Variants in ABHD3 observed in about 807,000 individuals in gnomAD.
The protein encoded by ABHD3 is phospholipase ABHD3.
Under a neutral mutation model 48.8 loss-of-function variants are expected in ABHD3, and 46 were observed. The observed-to-expected ratio is 0.94, with a 90% confidence interval of 0.74 to 1.20. ABHD3 has a LOEUF of 1.20. Ranked by LOEUF, ABHD3 falls within the 50% of genes most tolerant of loss-of-function variation. The pLI, the probability that ABHD3 is intolerant of heterozygous loss-of-function variation, is 0.00. For synonymous variants in ABHD3, 192 were observed against 183.7 expected (o/e 1.04, Z -0.36); for missense variants, 490 against 497.8 (o/e 0.98, Z 0.15).
chr18:21,699,702 T>TA (rs1201420364), intron 3 of ABHD3, among the ~76,000 whole-genome samples: 6 of 152,154 alleles, frequency 3.9e-5, no homozygotes, highest in East Asian at 1.9e-4. Flanking sequence ...GTCTGTGAGA[T>TA]AGAGTTTCGC....
intron 4 of ABHD3, chr18:21,682,239 G>T (rs1376935958): frequency 6.6e-6 from 1 of 152,154 alleles, no homozygotes; most frequent in Non-Finnish European, 1.5e-5. Flanking sequence ...TACATTCTAC[G>T]GATTACATAA....
intron 4 of ABHD3, among the ~76,000 whole-genome samples, chr18:21,683,335 C>A (rs1305840393): frequency 6.6e-6 from 1 of 152,082 alleles, no homozygotes. Flanking sequence ...GAAAAAAAGA[C>A]CTGATATAAA....
chr18:21,689,150 A>G (rs1047586300), intron 3 of ABHD3, among the ~76,000 whole-genome samples: 45 of 152,324 alleles, frequency 3.0e-4, no homozygotes, highest in African/African-American at 1.0e-3. Flanking sequence ...AGGAAAATGA[A>G]AATCATACTG....
At chr18:21,689,574 A>AAAAAAAAAC (rs1555681996) in intron 3 of ABHD3, among the ~76,000 whole-genome samples, 1 of 148,608 alleles carries the variant, frequency 6.7e-6, no homozygotes, top group African/African-American at 2.5e-5. Flanking sequence ...AAAAAAAAAA[A>AAAAAAAAAC]GGGAAATGCT....
At chr18:21,652,152 G>C (rs1412044763) in intron 8 of ABHD3, among the ~76,000 whole-genome samples, 2 of 152,140 alleles carry the variant, frequency 1.3e-5, no homozygotes, top group Non-Finnish European at 2.9e-5. Context: ...ACTAAGCTTA[G>C]CATCTTTGTG....
intron 1 of ABHD3, 60 bp from the exon 2 acceptor site, chr18:21,703,807 C>G (rs2040570517): frequency 1.9e-6 from 3 of 1,570,086 alleles, no homozygotes; most frequent in Non-Finnish European, 2.6e-6. Context: ...AACCGTAAAC[C>G]AGAAACCGGC....
At chr18:21,670,900 A>G (rs1481785516) in intron 4 of ABHD3, among the ~76,000 whole-genome samples, 1 of 152,104 alleles carries the variant, frequency 6.6e-6, no homozygotes. Flanking sequence ...TGTCATCCCA[A>G]CTACTTGGGA....
In ABHD3 at chr18:21,659,283, T is replaced by C; in HGVS notation, c.729A>G (p.Ala243=). The change falls in exon 6 of 9, where the codon GCA becomes GCG. Residue 243 remains alanine (A), a synonymous_variant. Coordinates refer to ENST00000289119, the MANE Select transcript of ABHD3 (RefSeq NM_138340.5). ...IGSKTPLMAA[A]TFSVGWNTFA... is the part of the protein sequence containing the mutation. ...AGGTGTTCCAACCAACGGAAAAAGT[T>C]GCAGCTGCCATCAAAGGCGTTTTGG... 1.9e-6 allele frequency: 3 copies of C among 1,613,872 alleles called. No individual in the cohort carries two copies. Among genetic ancestry groups the C allele is most frequent in the Non-Finnish European group, 2.5e-6 (3 of 1,179,952 alleles).
rs2039211376 is a variant in ABHD3 at position 21,651,049 on chromosome 18, AGTCT to A, written c.*538_*541del. The A allele has an allele frequency of 6.6e-6, 1 of 152,216 alleles. No individual in the cohort carries two copies. The highest frequency in any genetic ancestry group is 1.5e-5 in the Non-Finnish European group (1 of 68,044). 9.4% of individuals were successfully genotyped at this position (152,216 alleles called of 1,614,324 possible). A position where few individuals can be genotyped will look rare whatever the true frequency, so the allele number is the denominator to read the frequency against. On this transcript the variant is annotated 3_prime_UTR_variant, in exon 9 of 9. Transcript: ENST00000289119. ...GAGTAAAAGAGCACATATAGAAGTC[AGTCT>A]AACTTTGTTGCACTTGTCTTTTAAA...
At position 21,690,119 on chromosome 18, in the gene ABHD3, A is replaced by AT. The variant is rs759267343; in HGVS notation, c.510-6155dup. 2.0e-4 allele frequency among the ~76,000 whole-genome samples: 30 copies of AT among 150,958 alleles called. No homozygotes were observed. In the South Asian group the frequency reaches 2.1e-3, roughly 11 times the overall value. ...GGTGGGGTGGGGGAGCTTGTAAAGA[A>AT]TTTAAAAAAAAAAAAGAAAATCTCA... On this transcript the variant is annotated intron_variant, in intron 3 of 8. Transcript: ENST00000289119.
intron 8 of ABHD3, among the ~76,000 whole-genome samples, chr18:21,656,472 C>T (rs186428388): frequency 6.6e-6 from 1 of 152,320 alleles, no homozygotes; most frequent in East Asian, 1.9e-4. Flanking sequence ...CTCAAGTTCT[C>T]TTCCAGATTA....
intron 3 of ABHD3, among the ~76,000 whole-genome samples, chr18:21,694,074 A>G (rs1296535267): frequency 1.3e-5 from 2 of 152,020 alleles, no homozygotes; most frequent in Non-Finnish European, 2.9e-5. Context: ...CTTCCTCTAC[A>G]TAAAATATTC....
intron 6 of ABHD3, among the ~76,000 whole-genome samples, chr18:21,658,856 T>G (rs1225269738): frequency 1.3e-5 from 2 of 151,272 alleles, no homozygotes; most frequent in Non-Finnish European, 2.9e-5. Flanking sequence ...TTTTTTTTTT[T>G]GAGACGGAGT....
intron 3 of ABHD3, among the ~76,000 whole-genome samples, chr18:21,685,330 G>A (rs1243897456): frequency 1.3e-5 from 2 of 152,142 alleles, no homozygotes; most frequent in Non-Finnish European, 2.9e-5. Context: ...TCTTCTCAGG[G>A]AGTTTAGATC....
At chr18:21,663,799 C>G in intron 5 of ABHD3, 1 of 1,533,438 alleles carries the variant, frequency 6.5e-7, no homozygotes. Flanking sequence ...CCAGGGATGG[C>G]TGGGAGTGCG....
At chr18:21,653,165 C>T (rs201521241) in intron 8 of ABHD3, among the ~76,000 whole-genome samples, 4 of 140,730 alleles carry the variant, frequency 2.8e-5, no homozygotes, top group East Asian at 4.5e-4. Context: ...AGTTCAAGAA[C>T]GGCCTGGCCA....
intron 8 of ABHD3, among the ~76,000 whole-genome samples, chr18:21,656,428 A>G (rs2039351271): frequency 6.6e-6 from 1 of 152,176 alleles, no homozygotes; most frequent in Non-Finnish European, 1.5e-5. Context: ...TGCTTCACTA[A>G]TTGAGATATT....
At chr18:21,691,531 C>T (rs2040251728) in intron 3 of ABHD3, among the ~76,000 whole-genome samples, 1 of 152,166 alleles carries the variant, frequency 6.6e-6, no homozygotes, top group Admixed American at 6.5e-5. Flanking sequence ...GTACCTTTTT[C>T]TAAGATGCTT....
intron 8 of ABHD3, among the ~76,000 whole-genome samples, chr18:21,652,136 G>GA (rs1488498698): frequency 1.3e-5 from 2 of 152,100 alleles, no homozygotes; most frequent in Non-Finnish European, 2.9e-5. Flanking sequence ...TAGGGCAGGG[G>GA]AAAAAACTAA....
Sources: allele counts gnomAD v4.1 joint callset (sites outside exome capture counted in the v4.1 genomes callset), GRCh38; gene constraint gnomAD v4.1.1; transcripts MANE v1.5; gene names NCBI Gene and HGNC (gene_info 2026-07-23, HGNC 2026-07-21).